Variants in STX8 observed in about 807,000 individuals in gnomAD.
STX8 encodes the protein syntaxin-8.
In STX8, 23 loss-of-function variants were observed where a neutral mutation model predicts 37.5. That is an observed-to-expected ratio of 0.61 (90% confidence interval 0.44 to 0.87). The LOEUF (loss-of-function observed/expected upper bound fraction) is 0.87, where lower values mean the gene tolerates loss of function less well. Among genes scored for constraint, STX8 ranks in the 40% least tolerant of loss-of-function variants. The probability of loss-of-function intolerance (pLI) is 0.00; values close to 1 mark genes in which losing one functional copy is unlikely to be tolerated. For synonymous variants in STX8, 115 were observed against 99.1 expected (o/e 1.16, Z -0.95); for missense variants, 313 against 284.7 (o/e 1.10, Z -0.71).
chr17:9,370,079 G>A (rs1267873874), intron 7 of STX8, among the ~76,000 whole-genome samples: 1 of 151,788 alleles, frequency 6.6e-6, no homozygotes, highest in Non-Finnish European at 1.5e-5. Context: ...GCCAGGCATG[G>A]TGATACACAC....
At chr17:9,334,926 G>A (rs930378428) in intron 7 of STX8, among the ~76,000 whole-genome samples, 1 of 152,156 alleles carries the variant, frequency 6.6e-6, no homozygotes, top group Non-Finnish European at 1.5e-5. Context: ...CCATTTTAAA[G>A]TTTAACTTTC....
chr17:9,445,693 C>T (rs7214842), intron 6 of STX8, among the ~76,000 whole-genome samples: 107,738 of 151,944 alleles, frequency 0.71, 38,238 homozygotes, highest in East Asian at 0.77. Context: ...GCATGCTTTT[C>T]AAACCATAAA....
chr17:9,341,499 T>C (rs1315024650), intron 7 of STX8, among the ~76,000 whole-genome samples: 2 of 152,148 alleles, frequency 1.3e-5, no homozygotes, highest in Admixed American at 6.6e-5. Flanking sequence ...TGCAATGGCG[T>C]GATCTCGGCT....
intron 7 of STX8, among the ~76,000 whole-genome samples, chr17:9,257,714 G>C (rs549738833): frequency 1.3e-5 from 2 of 152,354 alleles, no homozygotes; most frequent in East Asian, 3.9e-4. Context: ...CTGGCCAGGC[G>C]TGGTGACTTA....
chr17:9,495,999 G>A (rs767168418), intron 5 of STX8, among the ~76,000 whole-genome samples: 5 of 151,924 alleles, frequency 3.3e-5, no homozygotes, highest in African/African-American at 1.2e-4. Context: ...TCCAGCCAGG[G>A]GCAATATAGC....
intron 6 of STX8, among the ~76,000 whole-genome samples, chr17:9,478,575 C>T (rs970777196): frequency 6.6e-6 from 1 of 152,102 alleles, no homozygotes; most frequent in African/African-American, 2.4e-5. Flanking sequence ...TTGATTGTGA[C>T]TAAAAAAACA....
chr17:9,324,120 T>TCACACACACACACA (rs1469116831), intron 7 of STX8, among the ~76,000 whole-genome samples: 9 of 133,662 alleles, frequency 6.7e-5, no homozygotes, highest in African/African-American at 2.6e-4. Flanking sequence ...TCTCTCTCTC[T>TCACACACACACACA]CTCTCTCACA....
At position 9,269,803 on chromosome 17, in the gene STX8, T is replaced by C. The variant is rs185088198; in HGVS notation, c.644-19158A>G. ...TCACACCTCTGTGCCTTGGCAGGGATCGTTCACACTGCTTTGGGGCCCTCT... is the reference window on the plus strand; with the variant it reads ...TCACACCTCTGTGCCTTGGCAGGGACCGTTCACACTGCTTTGGGGCCCTCT... On this transcript the variant is annotated intron_variant, in intron 7 of 7. Transcript: ENST00000306357. 2.0e-5 allele frequency among the ~76,000 whole-genome samples: 3 copies of C among 152,292 alleles called. No homozygotes were observed. The East Asian group carries it at 5.8e-4, about 29-fold the overall frequency.
chr17:9,478,263 G>A (rs1016828901), intron 6 of STX8, among the ~76,000 whole-genome samples: 9 of 152,172 alleles, frequency 5.9e-5, no homozygotes, highest in Admixed American at 2.0e-4. Context: ...AGCCTCCTGA[G>A]TAGCTGGGAT....
chr17:9,499,666 G>A (rs1034168376), intron 5 of STX8, among the ~76,000 whole-genome samples: 2 of 152,154 alleles, frequency 1.3e-5, no homozygotes, highest in Non-Finnish European at 2.9e-5. Flanking sequence ...CCAAAGTGCT[G>A]GGATTACCGG....
At chr17:9,375,126 T>C (rs1028557550) in intron 7 of STX8, among the ~76,000 whole-genome samples, 1 of 150,762 alleles carries the variant, frequency 6.6e-6, no homozygotes, top group Non-Finnish European at 1.5e-5. Context: ...AACACTGCTA[T>C]ACTGATGAAC....
intron 5 of STX8, among the ~76,000 whole-genome samples, chr17:9,500,149 G>A (rs143060029): frequency 3.3e-5 from 5 of 152,278 alleles, no homozygotes; most frequent in African/African-American, 1.2e-4. Flanking sequence ...GAGAGTCACG[G>A]TGTTTCACTG....
intron 7 of STX8, among the ~76,000 whole-genome samples, chr17:9,278,946 T>C (rs186120731): frequency 6.6e-6 from 1 of 152,308 alleles, no homozygotes; most frequent in East Asian, 1.9e-4. Flanking sequence ...ACAGAGAGTC[T>C]ATTGCACATC....
chr17:9,386,611 G>A (rs1331651557), intron 6 of STX8, among the ~76,000 whole-genome samples: 1 of 151,988 alleles, frequency 6.6e-6, no homozygotes, highest in Non-Finnish European at 1.5e-5. Flanking sequence ...CAAAACAAAT[G>A]CCTTAGAATA....
chr17:9,527,302 G>A (rs1202738627), intron 4 of STX8, among the ~76,000 whole-genome samples: 1 of 151,446 alleles, frequency 6.6e-6, no homozygotes, highest in Non-Finnish European at 1.5e-5. Context: ...ATATTAGCCA[G>A]GCATGGTGGC....
At chr17:9,464,168 T>G (rs1411603838) in intron 6 of STX8, among the ~76,000 whole-genome samples, 1 of 152,236 alleles carries the variant, frequency 6.6e-6, no homozygotes. Context: ...TCTTCCTAAA[T>G]CTGATTCTTA....
chr17:9,444,716 C>CT (rs1904779368), intron 6 of STX8, among the ~76,000 whole-genome samples: 2 of 152,004 alleles, frequency 1.3e-5, no homozygotes, highest in South Asian at 2.1e-4. Flanking sequence ...TTTTTTCTTC[C>CT]TTTTTTTAGT....
At chr17:9,314,439 C>T (rs1909309444) in intron 7 of STX8, among the ~76,000 whole-genome samples, 1 of 152,030 alleles carries the variant, frequency 6.6e-6, no homozygotes. Flanking sequence ...ACTCTCTCTC[C>T]CAGTCTGGAG....
intron 4 of STX8, among the ~76,000 whole-genome samples, chr17:9,532,236 A>G (rs1322557669): frequency 2.6e-5 from 4 of 152,196 alleles, no homozygotes; most frequent in Non-Finnish European, 5.9e-5. Flanking sequence ...GAGAACATAC[A>G]TAACCTAAAA....
Sources: allele counts gnomAD v4.1 joint callset (sites outside exome capture counted in the v4.1 genomes callset), GRCh38; gene constraint gnomAD v4.1.1; transcripts MANE v1.5; gene names NCBI Gene and HGNC (gene_info 2026-07-23, HGNC 2026-07-21).